SH3GL2: variants seen among roughly 807,000 people sequenced by gnomAD.
SH3GL2 encodes the protein endophilin-A1.
Under a neutral mutation model 46.0 loss-of-function variants are expected in SH3GL2, and 24 were observed. That is an observed-to-expected ratio of 0.52 (90% CI 0.38 to 0.73). The LOEUF (loss-of-function observed/expected upper bound fraction) is 0.73, where lower values mean the gene tolerates loss of function less well. Among genes scored for constraint, SH3GL2 ranks in the 30% least tolerant of loss-of-function variants. The pLI is 0.00. For missense variants in SH3GL2, 413 were observed against 424.2 expected, an observed-to-expected ratio of 0.97 and a Z score of 0.23; for synonymous variants, 196 against 147.1, an observed-to-expected ratio of 1.33 and a Z score of -2.40.
At chr9:17,763,307 G>T (rs188192056) in intron 3 of SH3GL2, among the ~76,000 whole-genome samples, 6 of 152,236 alleles carry the variant, frequency 3.9e-5, no homozygotes, top group African/African-American at 1.4e-4. Context: ...GGTCCATCCA[G>T]AACTAAACTT....
Position 17,667,757 on chromosome 9 carries a change from A to G in SH3GL2, c.46-79309A>G, listed in dbSNP as rs1229638775. Reference sequence around the variant, plus strand: ...GACTGTTTTCCAAAGCAGTTGTACCATTTTACAATTTTGGCAGTGCTTGAG... The same window carrying G: ...GACTGTTTTCCAAAGCAGTTGTACCGTTTTACAATTTTGGCAGTGCTTGAG... On this transcript the variant is annotated intron_variant, in intron 1 of 8. Transcript: ENST00000380607. Among the ~76,000 whole-genome samples the G allele has an allele frequency of 4.6e-5, 7 of 152,252 alleles. No homozygotes were observed. The East Asian group carries it at 1.4e-3, about 29-fold the overall frequency.
chr9:17,626,929 C>G (rs560752886), intron 1 of SH3GL2, among the ~76,000 whole-genome samples: 2 of 152,210 alleles, frequency 1.3e-5, no homozygotes, highest in African/African-American at 4.8e-5. Context: ...GCTCAGCTTC[C>G]CCTCCCCCAT....
intron 1 of SH3GL2, among the ~76,000 whole-genome samples, chr9:17,659,135 A>G (rs547316655): frequency 6.6e-6 from 1 of 152,306 alleles, no homozygotes; most frequent in South Asian, 2.1e-4. Context: ...AGAGTGCAGA[A>G]AAAGAACGGG....
Position 17,742,330 on chromosome 9 carries a change from A to G in SH3GL2, c.46-4736A>G, listed in dbSNP as rs540638176. On this transcript the variant is annotated intron_variant, in intron 1 of 8. Transcript: ENST00000380607. ...TGAGTCATTATTGGAAAGCAGGACA[A>G]CATCCTTTGGGCTGAGAACAGTGGC... is the stretch of plus-strand genomic sequence containing the variant. Among the ~76,000 whole-genome samples the G allele has an allele frequency of 6.6e-5, 10 of 152,226 alleles. No individual in the cohort carries two copies. The East Asian group carries it at 1.9e-3, about 29-fold the overall frequency.
intron 8 of SH3GL2, 151 bp from the exon 9 acceptor site, chr9:17,795,393 C>T (rs1824246287): frequency 1.6e-6 from 1 of 628,586 alleles, no homozygotes; most frequent in Non-Finnish European, 2.8e-6. Context: ...CACTAAGGTC[C>T]AGTAGCAAGA....
chr9:17,584,930 T>A (rs1002519405), intron 1 of SH3GL2, among the ~76,000 whole-genome samples: 1 of 152,234 alleles, frequency 6.6e-6, no homozygotes, highest in Non-Finnish European at 1.5e-5. Context: ...ATTGAGTTTA[T>A]ATGAATTTTG....
chr9:17,717,805 A>T (rs930024157), intron 1 of SH3GL2, among the ~76,000 whole-genome samples: 1 of 97,274 alleles, frequency 1.0e-5, no homozygotes, highest in Non-Finnish European at 1.9e-5. Context: ...ATTATGTTTG[A>T]TATTATTTAG....
chr9:17,647,947 CATGAAG>C lies in SH3GL2; in HGVS notation c.45+68674_45+68679del, dbSNP rs536205726. On this transcript the variant is annotated intron_variant, in intron 1 of 8. Transcript: ENST00000380607. ...TCCTCTTCCACCTCAGCCTACTCAACATGAAGATGAAGATGAAGACCTTTGTGATGA... is the reference window on the plus strand; with the variant it reads ...TCCTCTTCCACCTCAGCCTACTCAACATGAAGATGAAGACCTTTGTGATGA... 6.4e-3 allele frequency among the ~76,000 whole-genome samples: 973 copies of C among 152,266 alleles called. 8 individuals are homozygous for C. Among genetic ancestry groups the C allele is most frequent in the Non-Finnish European group, 9.0e-3 (612 of 68,030 alleles).
chr9:17,702,021 T>G (rs1821352915), intron 1 of SH3GL2, among the ~76,000 whole-genome samples: 1 of 152,058 alleles, frequency 6.6e-6, no homozygotes, highest in Non-Finnish European at 1.5e-5. Context: ...AAACTAGCCC[T>G]AATATATATT....
intron 1 of SH3GL2, among the ~76,000 whole-genome samples, chr9:17,692,007 T>A (rs1252761686): frequency 6.6e-6 from 1 of 152,174 alleles, no homozygotes; most frequent in Admixed American, 6.6e-5. Context: ...CAGAATTCAT[T>A]TCTGAAGTAT....
chr9:17,613,420 T>C (rs1818912991), intron 1 of SH3GL2, among the ~76,000 whole-genome samples: 1 of 152,184 alleles, frequency 6.6e-6, no homozygotes, highest in Admixed American at 6.5e-5. Context: ...ATATTGTGTT[T>C]AGATAAATAA....
intron 1 of SH3GL2, among the ~76,000 whole-genome samples, chr9:17,584,758 G>C (rs373034880): frequency 6.6e-6 from 1 of 152,102 alleles, no homozygotes; most frequent in African/African-American, 2.4e-5. Context: ...TTGTTAATGC[G>C]CTTGAAGTCA....
At chr9:17,639,491 C>T (rs1306323496) in intron 1 of SH3GL2, among the ~76,000 whole-genome samples, 6 of 152,152 alleles carry the variant, frequency 3.9e-5, no homozygotes, top group African/African-American at 1.2e-4. Flanking sequence ...CAACTGTATA[C>T]CCACTGGAAT....
At chr9:17,791,035 A>G (rs777544199) in intron 6 of SH3GL2, among the ~76,000 whole-genome samples, 196 bp from the exon 7 acceptor site, 4 of 152,156 alleles carry the variant, frequency 2.6e-5, no homozygotes, top group African/African-American at 4.8e-5. Flanking sequence ...TCTAAGCATA[A>G]GGATGCTTTC....
chr9:17,787,318 C>T, intron 4 of SH3GL2, 62 bp from the exon 5 acceptor site: 1 of 1,413,504 alleles, frequency 7.1e-7, no homozygotes, highest in Non-Finnish European at 9.9e-7. Context: ...GTGAAGGGCC[C>T]TGTTATTGCG....
At chr9:17,672,289 CA>C (rs1194989112) in intron 1 of SH3GL2, among the ~76,000 whole-genome samples, 1 of 152,104 alleles carries the variant, frequency 6.6e-6, no homozygotes, top group African/African-American at 2.4e-5. Context: ...GGCAACCAAA[CA>C]CACAATATCA....
intron 1 of SH3GL2, among the ~76,000 whole-genome samples, chr9:17,612,173 C>G (rs144726277): frequency 1.2e-3 from 183 of 152,256 alleles, no homozygotes; most frequent in African/African-American, 4.3e-3. Flanking sequence ...TCCTCTCTCT[C>G]TAGTTCTGTG....
At chr9:17,737,578 AC>A (rs1822377880) in intron 1 of SH3GL2, among the ~76,000 whole-genome samples, 1 of 152,042 alleles carries the variant, frequency 6.6e-6, no homozygotes, top group African/African-American at 2.4e-5. Context: ...GCCGCACCCT[AC>A]TGCTACCTCC....
intron 1 of SH3GL2, among the ~76,000 whole-genome samples, chr9:17,732,888 T>A (rs111487264): frequency 0.013 from 2,003 of 152,154 alleles, 50 homozygotes; most frequent in African/African-American, 0.045. Context: ...CCCAAATAGA[T>A]CCTTTCCTGG....
Sources: gnomAD v4.1 joint callset for allele counts (sites outside exome capture counted in the v4.1 genomes callset) on GRCh38, gnomAD v4.1.1 for gene constraint, MANE v1.5 for transcripts, NCBI Gene and HGNC (gene_info 2026-07-23, HGNC 2026-07-21) for gene names.